Variants in IFT57 observed in about 807,000 individuals in gnomAD.
The protein encoded by IFT57 is intraflagellar transport 57, also known as intraflagellar transport protein 57 homolog.
IFT57 carries 59 observed loss-of-function variants against 56.8 expected under a neutral mutation model. The observed-to-expected ratio is 1.04, with a 90% CI of 0.84 to 1.29. IFT57 has a LOEUF of 1.29. IFT57 is among the 50% of genes most tolerant of loss of function. The probability of loss-of-function intolerance (pLI) is 0.00; values close to 1 mark genes in which losing one functional copy is unlikely to be tolerated. For synonymous variants in IFT57, 209 were observed against 186.1 expected (o/e 1.12, Z -1.00); for missense variants, 470 against 522.1 (o/e 0.90, Z 0.97).
chr3:108,191,668 A>C (rs764078055), intron 5 of IFT57, 25 bp from the exon 6 acceptor site: 2 of 1,573,962 alleles, frequency 1.3e-6, no homozygotes, highest in Non-Finnish European at 8.6e-7. Context: ...ATATCACAAG[A>C]TTGAGAGTTT....
chr3:108,172,131 T>C (rs1433305555), intron 6 of IFT57, among the ~76,000 whole-genome samples: 1 of 151,876 alleles, frequency 6.6e-6, no homozygotes, highest in Admixed American at 6.6e-5. Flanking sequence ...TACGATAGTG[T>C]ACACTGATGT....
intron 6 of IFT57, among the ~76,000 whole-genome samples, chr3:108,180,970 G>C (rs2108313797): frequency 6.6e-6 from 1 of 152,056 alleles, no homozygotes; most frequent in Non-Finnish European, 1.5e-5. Flanking sequence ...TGAGGCATTA[G>C]CAACTTCCCT....
At chr3:108,197,455 C>CT (rs1247065651) in intron 5 of IFT57, among the ~76,000 whole-genome samples, 3 of 152,120 alleles carry the variant, frequency 2.0e-5, no homozygotes, top group Non-Finnish European at 4.4e-5. Flanking sequence ...ATAAAGTAAC[C>CT]TTGGGCTCAA....
chr3:108,174,211 A>G (rs58006907), intron 6 of IFT57, among the ~76,000 whole-genome samples: 14,551 of 151,710 alleles, frequency 0.096, 756 homozygotes, highest in Middle Eastern at 0.12. Context: ...TATAGTTATA[A>G]TGGAAAAAAA....
intron 5 of IFT57, among the ~76,000 whole-genome samples, chr3:108,196,866 CT>C (rs2080247290): frequency 6.6e-6 from 1 of 152,118 alleles, no homozygotes; most frequent in Non-Finnish European, 1.5e-5. Flanking sequence ...TTCTTAATGC[CT>C]AATAACTTGA....
intron 1 of IFT57, among the ~76,000 whole-genome samples, chr3:108,220,241 T>A (rs1434420533): frequency 6.6e-6 from 1 of 152,216 alleles, no homozygotes; most frequent in Non-Finnish European, 1.5e-5. Flanking sequence ...TCTTGCTTAA[T>A]CCCCTAGTCT....
intron 6 of IFT57, among the ~76,000 whole-genome samples, chr3:108,179,119 T>G (rs1479190629): frequency 6.6e-6 from 1 of 151,812 alleles, no homozygotes; most frequent in Non-Finnish European, 1.5e-5. Context: ...CTGACCATAC[T>G]TTCTGTAGCT....
chr3:108,173,764 C>CTG (rs2080107124), intron 6 of IFT57, among the ~76,000 whole-genome samples: 1 of 101,604 alleles, frequency 9.8e-6, no homozygotes, highest in Non-Finnish European at 1.8e-5. Flanking sequence ...AAGTCAGGGA[C>CTG]TCTGTGTGTG....
intron 4 of IFT57, among the ~76,000 whole-genome samples, chr3:108,208,499 T>C (rs1422207589): frequency 6.6e-6 from 1 of 152,248 alleles, no homozygotes; most frequent in African/African-American, 2.4e-5. Flanking sequence ...TAGTAGTTAC[T>C]AGAATGAATC....
chr3:108,165,300 T>C, intron 9 of IFT57, 131 bp downstream of exon 9: 1 of 653,862 alleles, frequency 1.5e-6, no homozygotes, highest in Non-Finnish European at 2.8e-6. Context: ...AAATTAGGGA[T>C]TATCTCCTAA....
chr3:108,196,851 A>G (rs187856522), intron 5 of IFT57, among the ~76,000 whole-genome samples: 79 of 152,310 alleles, frequency 5.2e-4, no homozygotes, highest in Non-Finnish European at 2.1e-4. Context: ...TTCCTCACTC[A>G]ACATTTCTTA....
At position 108,187,296 on chromosome 3, in the gene IFT57, C is replaced by A. The variant is rs897481709; in HGVS notation, c.777+4225G>T. On this transcript the variant is annotated intron_variant, in intron 6 of 10. Transcript: ENST00000264538. The stretch of plus-strand genomic sequence containing the variant: ...TTAGTTTGCATTCTTTGAGAACTGG[C>A]AATAGTAGCAAGTGGTGCCAGACAA... 8.5e-5 allele frequency among the ~76,000 whole-genome samples: 13 copies of A among 152,138 alleles called. No individual in the cohort carries two copies. The East Asian group carries it at 1.3e-3, about 16-fold the overall frequency.
intron 5 of IFT57, among the ~76,000 whole-genome samples, chr3:108,204,846 C>G (rs1333504212): frequency 6.6e-6 from 1 of 152,060 alleles, no homozygotes; most frequent in African/African-American, 2.4e-5. Context: ...TAAACTGTCC[C>G]AAGGTTATAA....
intron 5 of IFT57, among the ~76,000 whole-genome samples, chr3:108,197,765 G>A (rs1028464723): frequency 6.6e-6 from 1 of 152,138 alleles, no homozygotes; most frequent in African/African-American, 2.4e-5. Context: ...TGGTGTAAAT[G>A]TTAAGAGGAT....
chr3:108,186,321 CA>C (rs3053401), intron 6 of IFT57, among the ~76,000 whole-genome samples: 17 of 140,074 alleles, frequency 1.2e-4, no homozygotes, highest in East Asian at 1.0e-3. Context: ...GTGGCTATGC[CA>C]AAAAAAAAAA....
intron 10 of IFT57, among the ~76,000 whole-genome samples, chr3:108,163,068 C>T (rs2080042421): frequency 6.6e-6 from 1 of 152,030 alleles, no homozygotes; most frequent in South Asian, 2.1e-4. Context: ...CCTAAACATT[C>T]CCTTTTGCAA....
intron 6 of IFT57, among the ~76,000 whole-genome samples, chr3:108,176,077 C>T (rs942337240): frequency 1.3e-5 from 2 of 151,888 alleles, no homozygotes; most frequent in African/African-American, 4.8e-5. Flanking sequence ...CTGACATTGA[C>T]TCTACCCTTC....
intron 4 of IFT57, among the ~76,000 whole-genome samples, chr3:108,209,647 T>C (rs981922787): frequency 6.6e-6 from 1 of 152,220 alleles, no homozygotes; most frequent in Non-Finnish European, 1.5e-5. Flanking sequence ...GGATGGGCTT[T>C]ATTCAATCCA....
rs1159257279 is a variant in IFT57, at chr3:108,166,945, A to C, written c.890T>G (p.Leu297Trp). The C allele has an allele frequency of 4.3e-6, 7 of 1,611,060 alleles. No homozygotes were observed. The highest frequency in any genetic ancestry group is 5.9e-6 in the Non-Finnish European group (7 of 1,178,374). ...CTTTTCTCGGCTGCTGATCTTTTCC[A>C]AAGTCCTAGTAATTTCATTATGGAG... Reference protein sequence around the residue: ...DKLHNEITRTLEKISSREKYI... With the variant: ...DKLHNEITRTWEKISSREKYI... The change falls in exon 8 of 11, where the codon TTG (leucine) becomes TGG (tryptophan). Residue 297 changes from leucine to tryptophan, a missense_variant. By Grantham distance (61) the Leu-to-Trp change is moderately conservative. Transcript: ENST00000264538.
Sources: gnomAD v4.1 joint callset for allele counts (sites outside exome capture counted in the v4.1 genomes callset) on GRCh38, gnomAD v4.1.1 for gene constraint, MANE v1.5 for transcripts, NCBI Gene and HGNC (gene_info 2026-07-23, HGNC 2026-07-21) for gene names.